The following ZZZ3 variants were observed in gnomAD, a reference collection of about 807,000 sequenced individuals.
The protein encoded by ZZZ3 is ZZ-type zinc finger-containing protein 3.
ZZZ3 carries 22 observed loss-of-function variants against 95.2 expected under a neutral mutation model. The ratio of observed to expected loss-of-function variants is 0.23; its 90% CI spans 0.17 to 0.33. The LOEUF is 0.33. Among genes scored for constraint, ZZZ3 ranks in the 10% least tolerant of loss-of-function variants. The pLI, the probability that ZZZ3 is intolerant of heterozygous loss-of-function variation, is 1.00. For missense variants in ZZZ3, 885 were observed against 1,066.5 expected, an observed-to-expected ratio of 0.83 and a Z score of 2.37; for synonymous variants, 335 against 358.9, an observed-to-expected ratio of 0.93 and a Z score of 0.75.
At chr1:77,659,475 C>T (rs1314552802) in intron 1 of ZZZ3, among the ~76,000 whole-genome samples, 2 of 151,796 alleles carry the variant, frequency 1.3e-5, no homozygotes, top group East Asian at 3.9e-4. Context: ...ACCAGCCTGG[C>T]CAACATGGTG....
At chr1:77,620,729 C>T (rs183741219) in intron 5 of ZZZ3, among the ~76,000 whole-genome samples, 3 of 152,264 alleles carry the variant, frequency 2.0e-5, no homozygotes, top group African/African-American at 7.2e-5. Context: ...TACTATGGGA[C>T]ATGGAAATGC....
chr1:77,622,935 G>A (rs1667018639), intron 5 of ZZZ3, among the ~76,000 whole-genome samples: 1 of 152,116 alleles, frequency 6.6e-6, no homozygotes, highest in African/African-American at 2.4e-5. Context: ...TGCAGGCTTG[G>A]GTTTGAGTAT....
At chr1:77,674,042 T>A (rs1378744822) in intron 1 of ZZZ3, among the ~76,000 whole-genome samples, 3 of 146,338 alleles carry the variant, frequency 2.1e-5, no homozygotes, top group Non-Finnish European at 4.5e-5. Context: ...AGGTACTGCA[T>A]AAGCCATCAG....
chr1:77,575,390 T>C (rs1281235324), intron 12 of ZZZ3, among the ~76,000 whole-genome samples: 2 of 152,158 alleles, frequency 1.3e-5, no homozygotes, highest in African/African-American at 4.8e-5. Context: ...GTGGCTGTTA[T>C]GCCAAAAAAA....
rs746163199 is a variant in ZZZ3 at position 77,579,594 on chromosome 1, G to A, written c.2015C>T (p.Pro672Leu). Residue 672 changes from proline to leucine, a missense_variant, in exon 10 of 15, where the codon CCT (proline) becomes CTT (leucine). Pro to Leu is a moderately conservative substitution (Grantham distance 98). Transcript: ENST00000370801. ...KLEQLLIKYP[P>L]EEVESRRWQK... ...CCAGCGTCGAGATTCTACTTCTTCAGGAGGGTATTTGATGAGTAGCTGTTC... is the reference window on the plus strand; with the variant it reads ...CCAGCGTCGAGATTCTACTTCTTCAAGAGGGTATTTGATGAGTAGCTGTTC... The A allele has an allele frequency of 1.3e-6, 2 of 1,587,930 alleles. No individual in the cohort carries two copies. The highest frequency in any genetic ancestry group is 4.7e-5 in the East Asian group (2 of 42,196).
rs745580251 is a variant in ZZZ3, at chr1:77,563,751, C to T, written c.*1889G>A. On this transcript the variant is annotated 3_prime_UTR_variant, in exon 15 of 15. Transcript: ENST00000370801. ...ATTCACAAAACATTTAATATAAAAA[C>T]GCCCAGAATGCTAATGATTCCCCTC... The T allele has an allele frequency of 2.0e-4, 31 of 152,206 alleles. No individual in the cohort carries two copies. The highest frequency in any genetic ancestry group is 3.4e-3 in the Middle Eastern group (1 of 294). 9.4% of individuals were successfully genotyped at this position (152,206 alleles called of 1,614,324 possible).
chr1:77,626,286 G>C (rs1667328958), intron 5 of ZZZ3, among the ~76,000 whole-genome samples: 1 of 152,160 alleles, frequency 6.6e-6, no homozygotes, highest in South Asian at 2.1e-4. Context: ...GGTTGTTTCA[G>C]GATGATTCAA....
chr1:77,632,313 C>G lies in ZZZ3; in HGVS notation c.1042G>C (p.Ala348Pro), dbSNP rs1251288583. 1 of 1,614,062 alleles carries G rather than the reference C, an allele frequency of 6.2e-7. No individual in the cohort carries two copies. Among genetic ancestry groups the G allele is most frequent in the Non-Finnish European group, 8.5e-7 (1 of 1,180,042 alleles). ...GGAGATGGTTCAGGTTCTCCGGAGGCTGGCATACTCTCAAGACTTGTGTCC... is the reference window on the plus strand; with the variant it reads ...GGAGATGGTTCAGGTTCTCCGGAGGGTGGCATACTCTCAAGACTTGTGTCC... The part of the protein sequence containing the change: ...ELDTSLESMP[A>P]SGEPEPSPVL... Residue 348 changes from alanine to proline, a missense_variant, in exon 5 of 15, where the codon GCC (alanine) becomes CCC (proline). By Grantham distance (27) the Ala-to-Pro change is conservative (BLOSUM62 -1). Transcript: ENST00000370801.
chr1:77,594,567 T>C (rs1350751083), intron 5 of ZZZ3, among the ~76,000 whole-genome samples: 1 of 152,054 alleles, frequency 6.6e-6, no homozygotes, highest in Non-Finnish European at 1.5e-5. Context: ...GACTCTTCAA[T>C]GACGACAGTT....
intron 1 of ZZZ3, among the ~76,000 whole-genome samples, chr1:77,667,457 T>C (rs1394246193): frequency 6.6e-6 from 1 of 152,224 alleles, no homozygotes; most frequent in Non-Finnish European, 1.5e-5. Flanking sequence ...TTCTCATTAT[T>C]TAATGTTATC....
chr1:77,627,268 T>A (rs1667419073), intron 5 of ZZZ3, among the ~76,000 whole-genome samples: 1 of 152,214 alleles, frequency 6.6e-6, no homozygotes, highest in South Asian at 2.1e-4. Flanking sequence ...ACGGTGCCTA[T>A]CCTGTCTACT....
chr1:77,608,341 G>C (rs182767714), intron 5 of ZZZ3, among the ~76,000 whole-genome samples: 8 of 152,284 alleles, frequency 5.3e-5, no homozygotes, highest in Admixed American at 5.2e-4. Context: ...GGCCCAAAGA[G>C]AGTGGCATGA....
At chr1:77,565,905 G>T (rs1660774525) in intron 14 of ZZZ3, 121 bp from the exon 15 acceptor site, 1 of 1,221,320 alleles carries the variant, frequency 8.2e-7, no homozygotes, top group African/African-American at 1.5e-5. Flanking sequence ...ATCTCCAACG[G>T]AAAGTTACTT....
chr1:77,584,436 C>A, intron 6 of ZZZ3, 81 bp downstream of exon 6: 1 of 1,380,292 alleles, frequency 7.2e-7, no homozygotes, highest in South Asian at 1.6e-5. Context: ...AAGTATATAC[C>A]CATAAAAAAG....
chr1:77,679,083 G>A (rs560923982), intron 1 of ZZZ3, among the ~76,000 whole-genome samples: 3 of 152,110 alleles, frequency 2.0e-5, no homozygotes, highest in East Asian at 1.9e-4. Flanking sequence ...AGGTGAGAAC[G>A]AAAGGGTCAA....
chr1:77,649,018 T>C (rs1484959151), intron 1 of ZZZ3, among the ~76,000 whole-genome samples: 1 of 152,056 alleles, frequency 6.6e-6, no homozygotes, highest in African/African-American at 2.4e-5. Context: ...TCCCAGCTAC[T>C]TGGGAGGCTG....
intron 4 of ZZZ3, 24 bp from the exon 5 acceptor site, chr1:77,633,429 T>A: frequency 1.4e-6 from 2 of 1,478,660 alleles, no homozygotes; most frequent in Non-Finnish European, 1.8e-6. Context: ...AACAAAATAA[T>A]GAGAAAAAGG....
intron 1 of ZZZ3, among the ~76,000 whole-genome samples, chr1:77,660,057 C>A (rs937506588): frequency 2.6e-5 from 4 of 152,076 alleles, no homozygotes; most frequent in African/African-American, 9.7e-5. Context: ...GAGTGGTACT[C>A]CTGGCCTCAA....
intron 1 of ZZZ3, among the ~76,000 whole-genome samples, chr1:77,663,447 C>T (rs1407990983): frequency 6.6e-6 from 1 of 152,168 alleles, no homozygotes; most frequent in Non-Finnish European, 1.5e-5. Flanking sequence ...TCACTCATTC[C>T]TGTCAAGTCT....
Sources: allele counts gnomAD v4.1 joint callset (sites outside exome capture counted in the v4.1 genomes callset), GRCh38; gene constraint gnomAD v4.1.1; transcripts MANE v1.5; gene names NCBI Gene and HGNC (gene_info 2026-07-23, HGNC 2026-07-21).